Variants in KCNQ2 observed in about 807,000 individuals in gnomAD.
The protein encoded by KCNQ2 is potassium voltage-gated channel subfamily Q member 2.
KCNQ2 carries 14 observed loss-of-function variants against 84.8 expected under a neutral mutation model. The ratio of observed to expected loss-of-function variants is 0.17; its 90% CI spans 0.11 to 0.26. KCNQ2 has a LOEUF of 0.26. KCNQ2 is among the 10% of genes least tolerant of loss of function. The pLI is 1.00. For missense variants in KCNQ2, 788 were observed against 1,254.0 expected (o/e 0.63, Z 5.61); for synonymous variants, 599 against 554.1 (o/e 1.08, Z -1.14).
chr20:63,414,919 T>C lies in KCNQ2; in HGVS notation c.1509A>G (p.Ser503=). Residue 503 remains serine (S), a synonymous_variant, in exon 13 of 17, where the codon TCA becomes TCG. Coordinates refer to ENST00000359125, the MANE Select transcript of KCNQ2 (RefSeq NM_172107.4). The surrounding 1 kb of genome is among the most constrained non-coding windows in gnomAD (Gnocchi z 6.6). ...CACACCCACCTTCTGAGTTCTGCCGTGACGCGGCACCCTTGATGCGGAAAG... is the reference window on the plus strand; with the variant it reads ...CACACCCACCTTCTGAGTTCTGCCGCGACGCGGCACCCTTGATGCGGAAAG... ...RQAFRIKGAA[S]RQNSEEASLP... 6.2e-7 allele frequency: 1 copy of C among 1,612,630 alleles called. No individual in the cohort carries two copies. Among genetic ancestry groups the C allele is most frequent in the South Asian group, 1.1e-5 (1 of 91,032 alleles).
chr20:63,467,767 G>A (rs990733533), intron 1 of KCNQ2, among the ~76,000 whole-genome samples: 4 of 152,238 alleles, frequency 2.6e-5, no homozygotes, highest in Non-Finnish European at 5.9e-5. Flanking sequence ...AACACTCCAG[G>A]ATTTAAGCAT....
At chr20:63,440,733 G>A (rs1217321396) in intron 5 of KCNQ2, among the ~76,000 whole-genome samples, 1 of 152,146 alleles carries the variant, frequency 6.6e-6, no homozygotes, top group Non-Finnish European at 1.5e-5. Context: ...CGGCTGGGCC[G>A]CACCTGCTCC....
At chr20:63,417,448 C>T (rs1046792796) in intron 12 of KCNQ2, among the ~76,000 whole-genome samples, 2 of 152,264 alleles carry the variant, frequency 1.3e-5, no homozygotes, top group Non-Finnish European at 2.9e-5. Flanking sequence ...GAAGCAGCCA[C>T]CTCCTTTCTC....
At chr20:63,457,101 C>T (rs901244040) in intron 1 of KCNQ2, among the ~76,000 whole-genome samples, 8 of 152,266 alleles carry the variant, frequency 5.3e-5, no homozygotes, top group South Asian at 2.1e-4. Context: ...GTGACGGGCG[C>T]GGGCGCCGCT....
chr20:63,468,597 G>A (rs1239858692), intron 1 of KCNQ2, among the ~76,000 whole-genome samples: 1 of 152,216 alleles, frequency 6.6e-6, no homozygotes, highest in Non-Finnish European at 1.5e-5. Flanking sequence ...TTGAACATAG[G>A]CCCTCCGTCC....
In KCNQ2 at chr20:63,402,726, C is replaced by G. The variant is rs969391031; in HGVS notation, c.*3918G>C. On this transcript the variant is annotated 3_prime_UTR_variant, in exon 17 of 17. Coordinates refer to ENST00000359125, the MANE Select transcript of KCNQ2 (RefSeq NM_172107.4). ...GCTCAAAGGGTGCCCCCTGGAGAAG[C>G]CCTCACAGTGCCTGGGGTGATTTCA... 2.0e-5 allele frequency: 3 copies of G among 152,322 alleles called. No homozygotes were observed. Among genetic ancestry groups the G allele is most frequent in the Non-Finnish European group, 2.9e-5 (2 of 68,120 alleles). The allele number at this position is 152,322 out of a possible 1,614,324, so 9.4% of individuals were successfully genotyped here.
rs1225301889 is a variant in KCNQ2 at position 63,414,276 on chromosome 20, CAG to C, written c.1526-85_1526-84del. 1.9e-6 allele frequency: 2 copies of C among 1,028,112 alleles called. No homozygotes were observed. Among genetic ancestry groups the C allele is most frequent in the Non-Finnish European group, 3.0e-6 (2 of 660,596 alleles). The allele number at this position is 1,028,112 out of a possible 1,614,324, so 63.7% of individuals were successfully genotyped here. On this transcript the variant is annotated intron_variant, in intron 13 of 16. Coordinates refer to ENST00000359125, the MANE Select transcript of KCNQ2 (RefSeq NM_172107.4). The surrounding 1 kb of genome is among the most constrained non-coding windows in gnomAD (Gnocchi z 6.6). ...GGTCCTGCAGGGCACACCGGCTAGA[CAG>C]AGCGCCAGGGAGCCCCTCGAGGCTC...
rs537753453 is a variant in KCNQ2 at position 63,402,241 on chromosome 20, G to A, written c.*4403C>T. Reference sequence around the variant, plus strand: ...CCGTCCCTCTCACGCCACGTCTGCCGGGCACCCTCCACGGCAGGTCCGAGC... The same window carrying A: ...CCGTCCCTCTCACGCCACGTCTGCCAGGCACCCTCCACGGCAGGTCCGAGC... On this transcript the variant is annotated 3_prime_UTR_variant, in exon 17 of 17. Transcript: ENST00000359125. 13 of 188,930 alleles carry A rather than the reference G, an allele frequency of 6.9e-5. No homozygotes were observed. Among genetic ancestry groups the A allele is most frequent in the African/African-American group, 2.4e-4 (10 of 41,742 alleles). 11.7% of individuals were successfully genotyped at this position (188,930 alleles called of 1,614,324 possible).
chr20:63,401,626 T>C lies in KCNQ2; in HGVS notation c.*5018A>G, dbSNP rs2079810551. 1 of 154,020 alleles carries C rather than the reference T, an allele frequency of 6.5e-6. No homozygotes were observed. Among genetic ancestry groups the C allele is most frequent in the Non-Finnish European group, 1.4e-5 (1 of 69,232 alleles). The allele number at this position is 154,020 out of a possible 1,614,324, so 9.5% of individuals were successfully genotyped here. A position where few individuals can be genotyped will look rare whatever the true frequency, so the allele number is the denominator to read the frequency against. On this transcript the variant is annotated 3_prime_UTR_variant, in exon 17 of 17. Transcript: ENST00000359125. ...CCCCTAAAGGCCCTGACCAGGCCTC[T>C]TCACGCCACCCCCATGCCCTGGACA...
In KCNQ2 at chr20:63,403,735, A is replaced by G. The variant is rs2079857091; in HGVS notation, c.*2909T>C. The G allele has an allele frequency of 6.6e-6, 1 of 152,312 alleles. No individual in the cohort carries two copies. The highest frequency in any genetic ancestry group is 1.5e-5 in the Non-Finnish European group (1 of 68,088). The allele number at this position is 152,312 out of a possible 1,614,324, so 9.4% of individuals were successfully genotyped here. On this transcript the variant is annotated 3_prime_UTR_variant, in exon 17 of 17. Transcript: ENST00000359125. ...TGCATGTGTGCAAGCGTGCATGTGT[A>G]CGCCTGTATGCGGACATGTATGTGA...
chr20:63,433,796 C>T lies in KCNQ2; in HGVS notation c.1118+13G>A. On this transcript the variant is annotated intron_variant, in intron 8 of 16. Coordinates refer to ENST00000359125, the MANE Select transcript of KCNQ2 (RefSeq NM_172107.4). Reference sequence around the variant, plus strand: ...GAAACAGTTGCTTGGTGGCAGGTGCCCGGCGGCGGTACCTGTACATGGGCA... The same window carrying T: ...GAAACAGTTGCTTGGTGGCAGGTGCTCGGCGGCGGTACCTGTACATGGGCA... 3 of 1,613,934 alleles carry T rather than the reference C, an allele frequency of 1.9e-6. No individual in the cohort carries two copies. Among genetic ancestry groups the T allele is most frequent in the Non-Finnish European group, 2.5e-6 (3 of 1,179,988 alleles).
intron 7 of KCNQ2, among the ~76,000 whole-genome samples, chr20:63,436,325 A>G (rs952670748): frequency 4.6e-5 from 7 of 152,182 alleles, no homozygotes; most frequent in Admixed American, 3.3e-4. Context: ...AAGTCAGGAG[A>G]TCGAGACCAT....
At position 63,403,919 on chromosome 20, in the gene KCNQ2, C is replaced by G. The variant is rs1378618895; in HGVS notation, c.*2725G>C. On this transcript the variant is annotated 3_prime_UTR_variant, in exon 17 of 17. Transcript: ENST00000359125. ...CCAGCCTCCTTCCCGCTGCACTTCT[C>G]TGAGGTGGGGCAGTAGGTGGCTGCA... 1 of 152,292 alleles carries G rather than the reference C, an allele frequency of 6.6e-6. No homozygotes were observed. The highest frequency in any genetic ancestry group is 1.5e-5 in the Non-Finnish European group (1 of 68,072). The allele number at this position is 152,292 out of a possible 1,614,324, so 9.4% of individuals were successfully genotyped here.
chr20:63,446,714 C>T lies in KCNQ2; in HGVS notation c.387+33G>A. The T allele has an allele frequency of 6.4e-7, 1 of 1,573,838 alleles. No individual in the cohort carries two copies. The highest frequency in any genetic ancestry group is 8.7e-7 in the Non-Finnish European group (1 of 1,144,074). The stretch of plus-strand genomic sequence containing the variant: ...CAGGCAGCTCCAGCTCCTTCCTGGG[C>T]ACTTCCAGCCCCCGCCCTCCCTCGG... On this transcript the variant is annotated intron_variant, in intron 2 of 16. Transcript: ENST00000359125. The surrounding 1 kb of genome is among the most constrained non-coding windows in gnomAD (Gnocchi z 5.5).
chr20:63,445,672 C>G (rs1288784496), intron 2 of KCNQ2: 5 of 453,340 alleles, frequency 1.1e-5, no homozygotes, highest in Non-Finnish European at 2.0e-5. Flanking sequence ...CAGGGCTGCC[C>G]TGTCTGAGCT....
In KCNQ2 at chr20:63,419,660, C is replaced by T. The variant is rs1202103328; in HGVS notation, c.1260G>A (p.Pro420=). 9 of 1,611,184 alleles carry T rather than the reference C, an allele frequency of 5.6e-6. No individual in the cohort carries two copies. Among genetic ancestry groups the T allele is most frequent in the East Asian group, 2.2e-5 (1 of 44,792 alleles). Residue 420 remains proline (P), a synonymous_variant, in exon 12 of 17, where the codon CCG becomes CCA. Transcript: ENST00000359125. Reference sequence around the variant, plus strand: ...AGCATCCACACAGGGGCCCTCTGCACGGGCTGCCTTTACTGGAAATGAGGA... The same window carrying T: ...AGCATCCACACAGGGGCCCTCTGCATGGGCTGCCTTTACTGGAAATGAGGA... ...PPEPSPSKGS[P]CRGPLCGCCP...
intron 1 of KCNQ2, chr20:63,448,329 C>T (rs2081496059): frequency 2.0e-5 from 3 of 152,308 alleles, no homozygotes; most frequent in Non-Finnish European, 4.4e-5. Context: ...CGCCCTCATT[C>T]CAGGCAATGT....
At chr20:63,462,600 ACTT>A (rs1471109167) in intron 1 of KCNQ2, among the ~76,000 whole-genome samples, 2 of 152,178 alleles carry the variant, frequency 1.3e-5, no homozygotes, top group African/African-American at 2.4e-5. Context: ...TGAGTGTTAA[ACTT>A]CTCTGCATAT....
Position 63,405,196 on chromosome 20 carries a change from C to T in KCNQ2, c.*1448G>A, listed in dbSNP as rs924640350. ...CGGGCCCAGGACTCCCCTGCACTTG[C>T]TCTGCAGGAGTATTTGCGCCCACGA... is the stretch of plus-strand genomic sequence containing the variant. On this transcript the variant is annotated 3_prime_UTR_variant, in exon 17 of 17. Coordinates refer to ENST00000359125, the MANE Select transcript of KCNQ2 (RefSeq NM_172107.4). 3 of 152,278 alleles carry T rather than the reference C, an allele frequency of 2.0e-5. No homozygotes were observed. Among genetic ancestry groups the T allele is most frequent in the African/African-American group, 7.2e-5 (3 of 41,452 alleles). 9.4% of individuals were successfully genotyped at this position (152,278 alleles called of 1,614,324 possible). A position where few individuals can be genotyped will look rare whatever the true frequency, so the allele number is the denominator to read the frequency against.
Sources: allele counts gnomAD v4.1 joint callset (sites outside exome capture counted in the v4.1 genomes callset), GRCh38; gene constraint gnomAD v4.1.1; non-coding constraint Gnocchi (gnomAD v3.1); transcripts MANE v1.5; gene names NCBI Gene and HGNC (gene_info 2026-07-23, HGNC 2026-07-21).